The following HNRNPF variants were observed in gnomAD, a reference collection of about 807,000 sequenced individuals.
HNRNPF encodes heterogeneous nuclear ribonucleoprotein F, also known as HnRNP F protein.
In HNRNPF, 2 loss-of-function variants were observed where a neutral mutation model predicts 26.0. The observed-to-expected ratio is 0.08, with a 90% CI of 0.03 to 0.24. The LOEUF (loss-of-function observed/expected upper bound fraction) is 0.24. Among genes scored for constraint, HNRNPF ranks in the 10% least tolerant of loss-of-function variants. The pLI is 1.00. For synonymous variants in HNRNPF, 234 were observed against 211.5 expected (o/e 1.11, Z -0.92); for missense variants, 299 against 539.2 (o/e 0.55, Z 4.41).
chr10:43,407,874 A>C (rs1217711191), intron 1 of HNRNPF: 2 of 152,152 alleles, frequency 1.3e-5, no homozygotes, highest in Admixed American at 6.6e-5. Context: ...TGCAACTCTC[A>C]GGCGCCTGCA....
At chr10:43,395,807 C>T (rs1838468696) in intron 2 of HNRNPF, among the ~76,000 whole-genome samples, 1 of 152,194 alleles carries the variant, frequency 6.6e-6, no homozygotes, top group Non-Finnish European at 1.5e-5. Flanking sequence ...TCTCTGGGGA[C>T]ATGCACAAGC....
intron 3 of HNRNPF, among the ~76,000 whole-genome samples, chr10:43,391,881 CTTG>C (rs766315737): frequency 3.9e-5 from 6 of 152,170 alleles, no homozygotes; most frequent in East Asian, 1.9e-4. Flanking sequence ...CCTCTAGCTA[CTTG>C]TTGATTTGTT....
intron 1 of HNRNPF, among the ~76,000 whole-genome samples, chr10:43,401,036 C>T (rs1217541464): frequency 6.6e-6 from 1 of 151,956 alleles, no homozygotes; most frequent in Non-Finnish European, 1.5e-5. Flanking sequence ...GAGCCCAGAT[C>T]GCACCACTGC....
chr10:43,405,974 T>TGGGTCCC (rs1679367615), intron 1 of HNRNPF, among the ~76,000 whole-genome samples: 1 of 152,026 alleles, frequency 6.6e-6, no homozygotes, highest in Admixed American at 6.5e-5. Context: ...CAGTTGGGAC[T>TGGGTCCC]GGGTCCCAAG....
intron 1 of HNRNPF, among the ~76,000 whole-genome samples, chr10:43,401,751 C>A (rs890784433): frequency 3.9e-5 from 6 of 152,178 alleles, no homozygotes; most frequent in Non-Finnish European, 5.9e-5. Flanking sequence ...AACCCTGGAG[C>A]TGGAGAGAAA....
At chr10:43,407,505 C>T (rs1458780785) in intron 1 of HNRNPF, among the ~76,000 whole-genome samples, 1 of 152,106 alleles carries the variant, frequency 6.6e-6, no homozygotes, top group Admixed American at 6.5e-5. Flanking sequence ...GAGTCGGGTG[C>T]CTTGCTCCTC....
At position 43,387,231 on chromosome 10, in the gene HNRNPF, CCTCCTG is replaced by C. The variant is rs772092602; in HGVS notation, c.648_653del (p.Arg217_Arg218del). The C allele has an allele frequency of 6.2e-7, 1 of 1,614,232 alleles. No individual in the cohort carries two copies. The highest frequency in any genetic ancestry group is 1.3e-5 in the African/African-American group (1 of 75,074). ...CTGCCTGCTTCACGATGCCAATGTA[CCTCCTG>C]GCAGTCCCGGGCCGGTCATAGGGCC... On this transcript the variant is annotated inframe_deletion, in exon 4 of 4. Transcript: ENST00000682386. This position sits in a 1 kb window ranked among gnomAD's most constrained non-coding sequence, Gnocchi z 6.0.
rs559011933 is a variant in HNRNPF, at chr10:43,386,970, A to T, written c.915T>A (p.Ile305=). The T allele has an allele frequency of 1.4e-5, 23 of 1,614,146 alleles. No homozygotes were observed. The highest frequency in any genetic ancestry group is 3.3e-4 in the Middle Eastern group (2 of 6,062). Residue 305 remains isoleucine (I), a synonymous_variant, in exon 4 of 4, where the codon ATT becomes ATA. Transcript: ENST00000682386. The part of the protein sequence containing the change: ...GLPYKATEND[I]YNFFSPLNPV... Reference sequence around the variant, plus strand: ...GGTTGAGAGGAGAGAAGAAGTTGTAAATGTCGTTCTCGGTCGCTTTGTACG... The same window carrying T: ...GGTTGAGAGGAGAGAAGAAGTTGTATATGTCGTTCTCGGTCGCTTTGTACG...
intron 1 of HNRNPF, among the ~76,000 whole-genome samples, chr10:43,402,125 TA>T (rs879636534): frequency 4.2e-4 from 61 of 145,878 alleles, no homozygotes; most frequent in Admixed American, 1.0e-3. Context: ...TTACAAAACT[TA>T]AAAAAAAAAA....
In HNRNPF at chr10:43,386,641, T is replaced by G; in HGVS notation, c.1244A>C (p.Asp415Ala). 1 of 1,545,190 alleles carries G rather than the reference T, an allele frequency of 6.5e-7. No homozygotes were observed. Among genetic ancestry groups the G allele is most frequent in the Non-Finnish European group, 8.7e-7 (1 of 1,150,944 alleles). ...ACTCAAATGTTCCTAACAAAACTAG[T>G]CATAGCCACCCATGCTGTTCTGCCC... ...YSGQNSMGGY[D>A] The change falls in exon 4 of 4, where the codon GAC (aspartate) becomes GCC (alanine). Residue 415 changes from aspartate (D) to alanine (A), a missense_variant. Transcript: ENST00000682386.
rs1236072956 is a variant in HNRNPF at position 43,388,506 on chromosome 10, CTAAAT to C, written c.-52-575_-52-571del. On this transcript the variant is annotated intron_variant, in intron 3 of 3. Coordinates refer to ENST00000682386, the MANE Select transcript of HNRNPF (RefSeq NM_001098204.2). ...TGTCTATGGAGTTATGATTTTGCTCCTAAATTGTCAATTCAAACTAAATACCAGTC... is the reference window on the plus strand; with the variant it reads ...TGTCTATGGAGTTATGATTTTGCTCCTGTCAATTCAAACTAAATACCAGTC... Among the ~76,000 whole-genome samples, 10 of 152,160 alleles carry C rather than the reference CTAAAT, an allele frequency of 6.6e-5. 1 individual carries two copies. Among genetic ancestry groups the C allele is most frequent in the Admixed American group, 6.6e-4 (10 of 15,266 alleles).
At chr10:43,399,072 T>C (rs1838666917) in intron 1 of HNRNPF, among the ~76,000 whole-genome samples, 3 of 152,188 alleles carry the variant, frequency 2.0e-5, no homozygotes, top group Admixed American at 6.5e-5. Flanking sequence ...TTGGATTTGT[T>C]TGAAGTTGTC....
intron 1 of HNRNPF, among the ~76,000 whole-genome samples, chr10:43,402,922 T>C (rs1487628850): frequency 2.0e-5 from 3 of 152,176 alleles, no homozygotes; most frequent in Non-Finnish European, 4.4e-5. Context: ...GGTCTTGCTT[T>C]CTTGCTCAGG....
chr10:43,400,635 T>C (rs961451996), intron 1 of HNRNPF, among the ~76,000 whole-genome samples: 2 of 152,202 alleles, frequency 1.3e-5, no homozygotes, highest in African/African-American at 4.8e-5. Context: ...CCTGCTGTCA[T>C]GAACTCAAGA....
At chr10:43,405,745 T>C (rs988666084) in intron 1 of HNRNPF, among the ~76,000 whole-genome samples, 1 of 152,118 alleles carries the variant, frequency 6.6e-6, no homozygotes. Flanking sequence ...AGCAGTATCA[T>C]GGTTAGGTTT....
At position 43,387,691 on chromosome 10, in the gene HNRNPF, T is replaced by G; in HGVS notation, c.194A>C (p.Asp65Ala). 6.2e-7 allele frequency: 1 copy of G among 1,614,130 alleles called. No homozygotes were observed. The highest frequency in any genetic ancestry group is 8.5e-7 in the Non-Finnish European group (1 of 1,180,038). ...GEAFVELGSE[D>A]DVKMALKKDR... Reference sequence around the variant, plus strand: ...TTTTTTCAGGGCCATTTTTACATCATCTTCTGATCCAAGTTCAACAAAAGC... The same window carrying G: ...TTTTTTCAGGGCCATTTTTACATCAGCTTCTGATCCAAGTTCAACAAAAGC... Residue 65 changes from aspartate to alanine, a missense_variant, in exon 4 of 4, where the codon GAT becomes GCT. Asp to Ala is a moderately radical substitution (Grantham distance 126). Around this residue, in one of 6 missense-constraint regions of HNRNPF, gnomAD observed 104 missense variants for 239.0 expected, o/e 0.44. Coordinates refer to ENST00000682386, the MANE Select transcript of HNRNPF (RefSeq NM_001098204.2). This position sits in a 1 kb window ranked among gnomAD's most constrained non-coding sequence, Gnocchi z 6.0.
intron 1 of HNRNPF, among the ~76,000 whole-genome samples, chr10:43,406,492 G>C (rs1197579440): frequency 6.6e-6 from 1 of 152,058 alleles, no homozygotes; most frequent in Non-Finnish European, 1.5e-5. Flanking sequence ...ACAAAAGTTT[G>C]AAAATCAATC....
rs1838392572 is a variant in HNRNPF, at chr10:43,394,695, A to T, written c.-111-7T>A. The T allele has an allele frequency of 6.6e-6, 1 of 152,160 alleles. No individual in the cohort carries two copies. The highest frequency in any genetic ancestry group is 2.4e-5 in the African/African-American group (1 of 41,436). The allele number at this position is 152,160 out of a possible 1,614,324, so 9.4% of individuals were successfully genotyped here. A position where few individuals can be genotyped will look rare whatever the true frequency, so the allele number is the denominator to read the frequency against. On this transcript the variant is annotated splice_region_variant and splice_polypyrimidine_tract_variant and intron_variant, in intron 2 of 3. Coordinates refer to ENST00000682386, the MANE Select transcript of HNRNPF (RefSeq NM_001098204.2). ...TGGATGGTAATGAAATGTCCTAAAAAAAAAACAGAGCGATATTGGCTGTGT... is the reference window on the plus strand; with the variant it reads ...TGGATGGTAATGAAATGTCCTAAAATAAAAACAGAGCGATATTGGCTGTGT...
intron 1 of HNRNPF, among the ~76,000 whole-genome samples, chr10:43,397,011 G>A (rs1739709652): frequency 6.6e-6 from 1 of 151,592 alleles, no homozygotes; most frequent in Non-Finnish European, 1.5e-5. Flanking sequence ...CCAAGCTAGC[G>A]CTGCCTAGGC....
Sources: gnomAD v4.1 joint callset for allele counts (sites outside exome capture counted in the v4.1 genomes callset) on GRCh38, gnomAD v4.1.1 for gene constraint, gnomAD v4.1.1 regional missense constraint, Gnocchi (gnomAD v3.1) non-coding constraint, MANE v1.5 for transcripts, NCBI Gene and HGNC (gene_info 2026-07-23, HGNC 2026-07-21) for gene names.